Variants in HLA-DOA observed in about 807,000 individuals in gnomAD.
The protein encoded by HLA-DOA is HLA class II histocompatibility antigen, DO alpha chain.
A neutral mutation model predicts 22.9 loss-of-function variants in HLA-DOA; 27 were observed. That is an observed-to-expected ratio of 1.18 (90% confidence interval 0.87 to 1.62). The LOEUF is 1.62. HLA-DOA is among the 40% of genes most tolerant of loss of function. The pLI is 0.00. For synonymous variants in HLA-DOA, 137 were observed against 138.6 expected, an observed-to-expected ratio of 0.99 and a Z score of 0.08; for missense variants, 324 against 332.4, an observed-to-expected ratio of 0.97 and a Z score of 0.20.
rs1780778641 is a variant in HLA-DOA, at chr6:33,005,611, T to C, written c.*1227A>G. 6.6e-6 allele frequency: 1 copy of C among 152,046 alleles called. No homozygotes were observed. Among genetic ancestry groups the C allele is most frequent in the South Asian group, 2.1e-4 (1 of 4,812 alleles). 9.4% of individuals were successfully genotyped at this position (152,046 alleles called of 1,614,324 possible). A position where few individuals can be genotyped will look rare whatever the true frequency, so the allele number is the denominator to read the frequency against. On this transcript the variant is annotated 3_prime_UTR_variant, in exon 5 of 5. Transcript: ENST00000229829. ...TATTTATTTAGAGACAGGGTCTCAC[T>C]CTGTCACCTAGGCTGGAGTGCAGTG... is the stretch of plus-strand genomic sequence containing the variant.
In HLA-DOA at chr6:33,007,296, G is replaced by C. The variant is rs754911773; in HGVS notation, c.613+15C>G. The C allele has an allele frequency of 6.2e-7, 1 of 1,613,140 alleles. No individual in the cohort carries two copies. The highest frequency in any genetic ancestry group is 8.5e-7 in the Non-Finnish European group (1 of 1,179,992). On this transcript the variant is annotated intron_variant, in intron 3 of 4. Transcript: ENST00000229829. The stretch of plus-strand genomic sequence containing the variant: ...ACCTGGGGCCAGGAGGGTGCATGGG[G>C]AGGGGGCTCCGTACCCCAATGCCTG...
At chr6:33,008,500 G>A (rs1780927219) in intron 1 of HLA-DOA, 9 of 1,090,602 alleles carry the variant, frequency 8.3e-6, no homozygotes, top group Non-Finnish European at 1.1e-5. Flanking sequence ...ATATCAGGAT[G>A]GGAAGAGGAG....
rs1450934065 is a variant in HLA-DOA, at chr6:33,004,448, G to A, written c.*2390C>T. ...CTTGATTCCTGCTCTAACTACACAG[G>A]GCTGGGATGGACACCTGCTCCAAGT... On this transcript the variant is annotated 3_prime_UTR_variant, in exon 5 of 5. Transcript: ENST00000229829. 1 of 152,174 alleles carries A rather than the reference G, an allele frequency of 6.6e-6. No homozygotes were observed. Among genetic ancestry groups the A allele is most frequent in the Non-Finnish European group, 1.5e-5 (1 of 68,032 alleles). The allele number at this position is 152,174 out of a possible 1,614,324, so 9.4% of individuals were successfully genotyped here. A position where few individuals can be genotyped will look rare whatever the true frequency, so the allele number is the denominator to read the frequency against.
chr6:33,006,881 T>C (rs1333570735), intron 4 of HLA-DOA, 40 bp from the exon 5 acceptor site: 1 of 1,557,192 alleles, frequency 6.4e-7, no homozygotes, highest in South Asian at 1.1e-5. Flanking sequence ...TTGCTCAATT[T>C]CAATATGCTG....
At position 33,007,141 on chromosome 6, in the gene HLA-DOA, C is replaced by T; in HGVS notation, c.688G>A (p.Val230Met). The T allele has an allele frequency of 6.2e-7, 1 of 1,613,902 alleles. No homozygotes were observed. The highest frequency in any genetic ancestry group is 1.1e-5 in the South Asian group (1 of 91,084). Reference sequence around the variant, plus strand: ...AGGACGGTGCCCACGAGGAAGCCCACCAGGCCGATGGCCAGGCCCAGGGCA... The same window carrying T: ...AGGACGGTGCCCACGAGGAAGCCCATCAGGCCGATGGCCAGGCCCAGGGCA... ...VCALGLAIGLVGFLVGTVLII... is the reference protein window; with the variant it reads ...VCALGLAIGLMGFLVGTVLII... Residue 230 changes from valine (V) to methionine (M), a missense_variant, in exon 4 of 5, where the codon GTG (valine) becomes ATG (methionine). By Grantham distance (21) the Val-to-Met change is conservative. Transcript: ENST00000229829.
At position 33,007,179 on chromosome 6, in the gene HLA-DOA, T is replaced by C; in HGVS notation, c.650A>G (p.Glu217Gly). The C allele has an allele frequency of 6.2e-7, 1 of 1,613,866 alleles. No individual in the cohort carries two copies. The highest frequency in any genetic ancestry group is 8.5e-7 in the Non-Finnish European group (1 of 1,180,028). ...QVPIPPPDAMETLVCALGLAI... is the reference protein window; with the variant it reads ...QVPIPPPDAMGTLVCALGLAI... Reference sequence around the variant, plus strand: ...CAGGCCCAGGGCACAGACCAGGGTCTCCATGGCATCTGGTGGTGGAATAGG... The same window carrying C: ...CAGGCCCAGGGCACAGACCAGGGTCCCCATGGCATCTGGTGGTGGAATAGG... Residue 217 changes from glutamate to glycine, a missense_variant, in exon 4 of 5, where the codon GAG (glutamate) becomes GGG (glycine). Transcript: ENST00000229829.
chr6:33,006,743 G>A lies in HLA-DOA; in HGVS notation c.*95C>T. ...ATCCCACTCAAAGTCAGCACAGCGG[G>A]ATGCACTTAAAGGGCACTGAGCACG... On this transcript the variant is annotated 3_prime_UTR_variant, in exon 5 of 5. Transcript: ENST00000229829. 1 of 1,606,644 alleles carries A rather than the reference G, an allele frequency of 6.2e-7. No individual in the cohort carries two copies. The highest frequency in any genetic ancestry group is 1.1e-5 in the South Asian group (1 of 90,930).
At chr6:33,007,806 G>A (rs1780887796) in intron 2 of HLA-DOA, 1 of 830,558 alleles carries the variant, frequency 1.2e-6, no homozygotes, top group South Asian at 1.8e-5. Context: ...GTCCCTGGGC[G>A]GGAGTCCGGG....
Position 33,007,959 on chromosome 6 carries a change from G to T in HLA-DOA, c.331+54C>A, listed in dbSNP as rs1209977885. ...GTGATGGGAGCCTAGGAACTGGGAG[G>T]AAGTTTCTCTGGACCTTCCCGCCTG... On this transcript the variant is annotated intron_variant, in intron 2 of 4. Coordinates refer to ENST00000229829, the MANE Select transcript of HLA-DOA (RefSeq NM_002119.4). 3.2e-6 allele frequency: 5 copies of T among 1,566,674 alleles called. No homozygotes were observed. In the Admixed American group the frequency reaches 5.3e-5, roughly 17 times the overall value.
At position 33,007,102 on chromosome 6, in the gene HLA-DOA, T is replaced by C; in HGVS notation, c.727A>G (p.Thr243Ala). 6.2e-7 allele frequency: 1 copy of C among 1,613,394 alleles called. No individual in the cohort carries two copies. Among genetic ancestry groups the C allele is most frequent in the Non-Finnish European group, 8.5e-7 (1 of 1,179,816 alleles). ...LVGTVLIIMG[T>A]YVSSVPR is the part of the protein sequence containing the mutation. ...CACCTGGGGACACTGGACACATATG[T>C]GCCCATGATGATGAGGACGGTGCCC... Residue 243 changes from threonine (T) to alanine (A), a missense_variant, in exon 4 of 5, where the codon ACA becomes GCA. Thr to Ala is a moderately conservative substitution (Grantham distance 58). Coordinates refer to ENST00000229829, the MANE Select transcript of HLA-DOA (RefSeq NM_002119.4).
In HLA-DOA at chr6:33,009,132, C is replaced by A. The variant is rs743771; in HGVS notation, c.82+323G>T. On this transcript the variant is annotated intron_variant, in intron 1 of 4. Transcript: ENST00000229829. The surrounding 1 kb of genome is among the most constrained non-coding windows in gnomAD (Gnocchi z 4.8). ...AACTGGACTTGATCGGGCACATTCCCGGCCAGGGGTGGTAGAGAAATCAGG... is the reference window on the plus strand; with the variant it reads ...AACTGGACTTGATCGGGCACATTCCAGGCCAGGGGTGGTAGAGAAATCAGG... 0.53 allele frequency among the ~76,000 whole-genome samples: 80,087 copies of A among 151,958 alleles called. 21,790 individuals are homozygous for A. The highest frequency in any genetic ancestry group is 0.65 in the African/African-American group (26,977 of 41,412).
rs1685897897 is a variant in HLA-DOA, at chr6:33,007,384, C to A, written c.540G>T (p.Val180=). 6.2e-7 allele frequency: 1 copy of A among 1,605,122 alleles called. No homozygotes were observed. The highest frequency in any genetic ancestry group is 8.5e-7 in the Non-Finnish European group (1 of 1,174,986). Residue 180 remains valine (V), a synonymous_variant, in exon 3 of 5, where the codon GTG becomes GTT. Coordinates refer to ENST00000229829, the MANE Select transcript of HLA-DOA (RefSeq NM_002119.4). ...AGTCATAGACGTCCTCGGCTGAGGG[C>A]ACGAAGGGCAGGTAGTGGAACTTGC... The part of the protein sequence containing the change: ...LFRKFHYLPF[V]PSAEDVYDCQ...
At chr6:33,006,869 G>A in intron 4 of HLA-DOA, 28 bp from the exon 5 acceptor site, 1 of 1,590,260 alleles carries the variant, frequency 6.3e-7, no homozygotes, top group East Asian at 2.2e-5. Flanking sequence ...ATACGATCGA[G>A]GTTGCTCAAT....
chr6:33,006,962 C>A, intron 4 of HLA-DOA, 118 bp downstream of exon 4: 1 of 1,477,788 alleles, frequency 6.8e-7, no homozygotes, highest in Non-Finnish European at 9.4e-7. Context: ...TCTTTTCTCC[C>A]TGCCCATTTC....
chr6:33,009,558 A>T lies in HLA-DOA; in HGVS notation c.-22T>A. 6.4e-7 allele frequency: 1 copy of T among 1,566,076 alleles called. No homozygotes were observed. Among genetic ancestry groups the T allele is most frequent in the Non-Finnish European group, 8.7e-7 (1 of 1,152,456 alleles). ...CCATTACACTCTGGTGCTTTAATCA[A>T]ATCAGTCTCAGTCCGTGTGGTGAGG... On this transcript the variant is annotated 5_prime_UTR_variant, in exon 1 of 5. It adds an upstream start codon to the 5' untranslated region. Transcript: ENST00000229829. The surrounding 1 kb of genome is among the most constrained non-coding windows in gnomAD (Gnocchi z 4.8).
chr6:33,008,039 C>A lies in HLA-DOA; in HGVS notation c.305G>T (p.Arg102Leu), dbSNP rs1780899668. ...IKAHLDILVERSNRSRAINVP... is the reference protein window; with the variant it reads ...IKAHLDILVELSNRSRAINVP... ...GTTGATGGCTCTGCTGCGGTTGGAG[C>A]GCTCCACCAGGATGTCCAGATGGGC... The change falls in exon 2 of 5, where the codon CGC (arginine) becomes CTC (leucine). Residue 102 changes from arginine to leucine, a missense_variant. Physicochemically the swap from Arg to Leu is moderately radical, Grantham distance 102. Transcript: ENST00000229829. 2 of 1,612,678 alleles carry A rather than the reference C, an allele frequency of 1.2e-6. No homozygotes were observed. The highest frequency in any genetic ancestry group is 2.2e-5 in the South Asian group (2 of 91,062).
chr6:33,006,891 G>A (rs781053100), intron 4 of HLA-DOA, 50 bp from the exon 5 acceptor site: 4 of 1,527,766 alleles, frequency 2.6e-6, no homozygotes, highest in Non-Finnish European at 2.7e-6. Context: ...TCAATATGCT[G>A]GGATCCTATC....
At chr6:33,006,903 C>CT (rs1233377244) in intron 4 of HLA-DOA, 62 bp from the exon 5 acceptor site, 1 of 1,487,454 alleles carries the variant, frequency 6.7e-7, no homozygotes, top group Non-Finnish European at 9.4e-7. Context: ...GATCCTATCT[C>CT]TGAGTGCCCA....
intron 1 of HLA-DOA, 116 bp from the exon 2 acceptor site, chr6:33,008,377 A>G (rs1780922204): frequency 6.6e-7 from 1 of 1,506,916 alleles, no homozygotes; most frequent in African/African-American, 1.4e-5. Context: ...GTGTGGGGAC[A>G]GAGTCCTGTT....
Sources: gnomAD v4.1 joint callset for allele counts (sites outside exome capture counted in the v4.1 genomes callset) on GRCh38, gnomAD v4.1.1 for gene constraint, Gnocchi (gnomAD v3.1) non-coding constraint, MANE v1.5 for transcripts, NCBI Gene and HGNC (gene_info 2026-07-23, HGNC 2026-07-21) for gene names.